The following ZBTB5 variants were observed in gnomAD, a reference collection of about 807,000 sequenced individuals.
ZBTB5 encodes the protein zinc finger and BTB domain-containing protein 5.
Under a neutral mutation model 37.9 loss-of-function variants are expected in ZBTB5, and 15 were observed. The ratio of observed to expected loss-of-function variants is 0.40; its 90% CI spans 0.26 to 0.61. The LOEUF (loss-of-function observed/expected upper bound fraction) is 0.61. ZBTB5 is among the 20% of genes least tolerant of loss of function. ZBTB5 has a pLI of 0.47. For missense variants in ZBTB5, 708 were observed against 856.8 expected, an observed-to-expected ratio of 0.83 and a Z score of 2.17; for synonymous variants, 315 against 312.4, an observed-to-expected ratio of 1.01 and a Z score of -0.09.
chr9:37,452,945 G>A (rs1416093066), intron 1 of ZBTB5, among the ~76,000 whole-genome samples: 1 of 152,148 alleles, frequency 6.6e-6, no homozygotes, highest in Non-Finnish European at 1.5e-5. Context: ...CGGTAATAGG[G>A]ATCAAGGGGA....
intron 1 of ZBTB5, among the ~76,000 whole-genome samples, chr9:37,460,652 G>A (rs1824276884): frequency 6.6e-6 from 1 of 152,078 alleles, no homozygotes; most frequent in South Asian, 2.1e-4. Flanking sequence ...AAATGCTTGA[G>A]TCCAGGAGTC....
rs756211364 is a variant in ZBTB5 at position 37,441,713 on chromosome 9, G to A, written c.839C>T (p.Ala280Val). Residue 280 changes from alanine (A) to valine (V), a missense_variant, in exon 2 of 2, where the codon GCT (alanine) becomes GTT (valine). Transcript: ENST00000307750. ...CATGGACAACTGTGCCATGTTGCCA[G>A]CACTGTTATCAGACTGGCTGGGCAC... ...AQVPSQSDNS[A>V]GNMAQLSMAS... is the part of the protein sequence containing the mutation. 2 of 1,614,042 alleles carry A rather than the reference G, an allele frequency of 1.2e-6. No homozygotes were observed. The highest frequency in any genetic ancestry group is 2.2e-5 in the East Asian group (1 of 44,868).
At chr9:37,461,102 G>C (rs1554752328) in intron 1 of ZBTB5, among the ~76,000 whole-genome samples, 1 of 152,134 alleles carries the variant, frequency 6.6e-6, no homozygotes, top group Non-Finnish European at 1.5e-5. Flanking sequence ...TTGACCTGCA[G>C]AGTTGCTTTT....
intron 1 of ZBTB5, among the ~76,000 whole-genome samples, chr9:37,452,385 A>C (rs777324707): frequency 6.6e-6 from 1 of 152,226 alleles, no homozygotes; most frequent in Non-Finnish European, 1.5e-5. Flanking sequence ...TTTTTGATAT[A>C]TGTTTTGGCC....
chr9:37,458,660 C>G (rs974452765), intron 1 of ZBTB5, among the ~76,000 whole-genome samples: 1 of 152,206 alleles, frequency 6.6e-6, no homozygotes, highest in Non-Finnish European at 1.5e-5. Flanking sequence ...CCCACATGCT[C>G]AAATTCTTCT....
rs1430101252 is a variant in ZBTB5, at chr9:37,441,295, A to G, written c.1257T>C (p.Asn419=). The change falls in exon 2 of 2, where the codon AAT becomes AAC. Residue 419 remains asparagine (N), a synonymous_variant. Transcript: ENST00000307750. ...ISNFLNKSRG[N]NFTANQNNDD... The stretch of plus-strand genomic sequence containing the variant: ...CATTGTTCTGATTTGCAGTAAAGTT[A>G]TTTCCTCTGCTCTTGTTAAGAAAAT... 3.1e-6 allele frequency: 5 copies of G among 1,614,082 alleles called. No homozygotes were observed. In the Admixed American group the frequency reaches 6.7e-5, roughly 22 times the overall value.
chr9:37,440,602 A>G lies in ZBTB5; in HGVS notation c.1950T>C (p.Phe650=). 4.3e-6 allele frequency: 7 copies of G among 1,614,252 alleles called. No homozygotes were observed. Among genetic ancestry groups the G allele is most frequent in the Non-Finnish European group, 5.9e-6 (7 of 1,180,044 alleles). Reference sequence around the variant, plus strand: ...GCTTATACAGGTGGCTGGACTGACTAAACCTCTTGCCACACTTCAGGCAGG... The same window carrying G: ...GCTTATACAGGTGGCTGGACTGACTGAACCTCTTGCCACACTTCAGGCAGG... The part of the protein sequence containing the change: ...PYACLKCGKR[F]SQSSHLYKHS... The change falls in exon 2 of 2, where the codon TTT becomes TTC. Residue 650 remains phenylalanine (F), a synonymous_variant. Coordinates refer to ENST00000307750, the MANE Select transcript of ZBTB5 (RefSeq NM_014872.3).
At chr9:37,463,442 GAATC>G (rs1241397735) in intron 1 of ZBTB5, among the ~76,000 whole-genome samples, 1 of 152,094 alleles carries the variant, frequency 6.6e-6, no homozygotes. Flanking sequence ...AGCTAACATA[GAATC>G]AATACCTTGG....
chr9:37,464,633 C>T (rs1824355618), intron 1 of ZBTB5, among the ~76,000 whole-genome samples: 1 of 152,242 alleles, frequency 6.6e-6, no homozygotes, highest in South Asian at 2.1e-4. Context: ...GTCTTACCAC[C>T]GCATCCCCCA....
Position 37,464,900 on chromosome 9 carries a change from G to A in ZBTB5, c.-5+315C>T, listed in dbSNP as rs535296508. Among the ~76,000 whole-genome samples the A allele has an allele frequency of 2.0e-5, 3 of 152,342 alleles. 1 individual carries two copies. Among genetic ancestry groups the A allele is most frequent in the African/African-American group, 7.2e-5 (3 of 41,588 alleles). On this transcript the variant is annotated intron_variant, in intron 1 of 1. Coordinates refer to ENST00000307750, the MANE Select transcript of ZBTB5 (RefSeq NM_014872.3). ...AGCAGATCCTCTCTTCATCCCGCCAGGCCGCTGGTCCTGAGGCCTTTCCCA... is the reference window on the plus strand; with the variant it reads ...AGCAGATCCTCTCTTCATCCCGCCAAGCCGCTGGTCCTGAGGCCTTTCCCA...
rs768042675 is a variant in ZBTB5, at chr9:37,441,974, C to T, written c.578G>A (p.Arg193His). 1.7e-5 allele frequency: 27 copies of T among 1,613,736 alleles called. No homozygotes were observed. Among genetic ancestry groups the T allele is most frequent in the Admixed American group, 1.3e-4 (8 of 60,008 alleles). ...TPFPMRRLHK[R>H]KQSAEERARQ... ...GGCCCGCTCCTCTGCAGACTGCTTG[C>T]GCTTATGAAGGCGTCTCATGGGGAA... The change falls in exon 2 of 2, where the codon CGC becomes CAC. Residue 193 changes from arginine to histidine, a missense_variant. Physicochemically the swap from Arg to His is conservative, Grantham distance 29. This residue lies in a region of ZBTB5 where 639 missense variants were observed against 690.5 expected (regional missense o/e 0.93). Transcript: ENST00000307750.
At chr9:37,447,734 T>C (rs1824014838) in intron 1 of ZBTB5, among the ~76,000 whole-genome samples, 1 of 152,098 alleles carries the variant, frequency 6.6e-6, no homozygotes. Flanking sequence ...CATAAAAGAC[T>C]GACTTCACAA....
intron 1 of ZBTB5, among the ~76,000 whole-genome samples, chr9:37,460,405 G>C (rs917410166): frequency 2.0e-5 from 3 of 151,794 alleles, no homozygotes; most frequent in East Asian, 3.9e-4. Flanking sequence ...CATTGCGCTG[G>C]ATCCAGCCTG....
rs752454248 is a variant in ZBTB5 at position 37,441,310 on chromosome 9, G to A, written c.1242C>T (p.Asn414=). 2 of 1,613,814 alleles carry A rather than the reference G, an allele frequency of 1.2e-6. No homozygotes were observed. The highest frequency in any genetic ancestry group is 1.3e-5 in the African/African-American group (1 of 74,912). The change falls in exon 2 of 2, where the codon AAC becomes AAT. Residue 414 remains asparagine (N), a synonymous_variant. Coordinates refer to ENST00000307750, the MANE Select transcript of ZBTB5 (RefSeq NM_014872.3). ...KSTFSISNFL[N]KSRGNNFTAN... is the part of the protein sequence containing the mutation. ...CAGTAAAGTTATTTCCTCTGCTCTT[G>A]TTAAGAAAATTCGAAATACTAAAAG...
intron 1 of ZBTB5, among the ~76,000 whole-genome samples, chr9:37,457,159 A>G (rs1011134514): frequency 6.6e-6 from 1 of 152,394 alleles, no homozygotes; most frequent in African/African-American, 2.4e-5. Flanking sequence ...GGTAGTATAC[A>G]GCTCAAGGGA....
chr9:37,464,284 G>A (rs1824347815), intron 1 of ZBTB5, among the ~76,000 whole-genome samples: 1 of 152,202 alleles, frequency 6.6e-6, no homozygotes, highest in African/African-American at 2.4e-5. Context: ...TAATACAAGT[G>A]AAAAATATGA....
At chr9:37,463,514 C>T (rs1472656692) in intron 1 of ZBTB5, among the ~76,000 whole-genome samples, 1 of 152,222 alleles carries the variant, frequency 6.6e-6, no homozygotes, top group Non-Finnish European at 1.5e-5. Flanking sequence ...TCTGTCAGCA[C>T]TACACCAGGT....
rs1341697523 is a variant in ZBTB5 at position 37,465,231 on chromosome 9, C to T, written c.-21G>A. On this transcript the variant is annotated 5_prime_UTR_variant, in exon 1 of 2. Transcript: ENST00000307750. The stretch of plus-strand genomic sequence containing the variant: ...TCTCCTCACCTGAGTCGGGCTCCGC[C>T]CCCCTCCTCCTCGCTGAAGGAGGCG... The T allele has an allele frequency of 1.3e-5, 2 of 152,228 alleles. No homozygotes were observed. The highest frequency in any genetic ancestry group is 2.9e-5 in the Non-Finnish European group (2 of 68,058). The allele number at this position is 152,228 out of a possible 1,614,324, so 9.4% of individuals were successfully genotyped here.
chr9:37,444,880 T>C (rs1488580293), intron 1 of ZBTB5, among the ~76,000 whole-genome samples: 1 of 151,920 alleles, frequency 6.6e-6, no homozygotes, highest in African/African-American at 2.4e-5. Flanking sequence ...AAGCTCCAGA[T>C]GACAACTAGG....
Sources: allele counts gnomAD v4.1 joint callset (sites outside exome capture counted in the v4.1 genomes callset), GRCh38; gene constraint gnomAD v4.1.1; regional missense constraint gnomAD v4.1.1; transcripts MANE v1.5; gene names NCBI Gene and HGNC (gene_info 2026-07-23, HGNC 2026-07-21).